CYP11B2: variants seen among roughly 807,000 people sequenced by gnomAD.
CYP11B2 encodes cytochrome P450 family 11 subfamily B member 2, also known as cytochrome P450 11B2, mitochondrial.
CYP11B2 carries 38 observed loss-of-function variants against 49.3 expected under a neutral mutation model. The ratio of observed to expected loss-of-function variants is 0.77; its 90% CI spans 0.59 to 1.01. The LOEUF (loss-of-function observed/expected upper bound fraction) is 1.01. Among genes scored for constraint, CYP11B2 ranks in the 50% least tolerant of loss-of-function variants. The pLI, the probability that CYP11B2 is intolerant of heterozygous loss-of-function variation, is 0.00. For missense variants in CYP11B2, 669 were observed against 655.5 expected, an observed-to-expected ratio of 1.02 and a Z score of -0.23; for synonymous variants, 290 against 269.3, an observed-to-expected ratio of 1.08 and a Z score of -0.75.
chr8:142,917,362 A>T (rs959914360), intron 1 of CYP11B2, 148 bp from the exon 2 acceptor site: 2 of 1,416,452 alleles, frequency 1.4e-6, no homozygotes, highest in African/African-American at 2.8e-5. Context: ...GGCTCCCTGG[A>T]ACCTTTCAAC....
chr8:142,917,299 G>A lies in CYP11B2; in HGVS notation c.240-85C>T, dbSNP rs1376033928. The A allele has an allele frequency of 6.0e-6, 9 of 1,499,894 alleles. No homozygotes were observed. In the Admixed American group the frequency reaches 1.5e-4, roughly 25 times the overall value. The allele number at this position is 1,499,894 out of a possible 1,614,324, so 92.9% of individuals were successfully genotyped here. ...GCAGTCCCAATCCAAAGTGTCTCCT[G>A]TCCACCCTCCCTGCTCCTGGATTAG... On this transcript the variant is annotated intron_variant, in intron 1 of 8. Coordinates refer to ENST00000323110, the MANE Select transcript of CYP11B2 (RefSeq NM_000498.3).
chr8:142,913,486 A>T, intron 5 of CYP11B2, 35 bp from the exon 6 acceptor site: 3 of 1,613,926 alleles, frequency 1.9e-6, no homozygotes, highest in Non-Finnish European at 2.5e-6. Flanking sequence ...CAGACCTTGC[A>T]CAGGAGGACT....
In CYP11B2 at chr8:142,911,138, G is replaced by A. The variant is rs1156589386; in HGVS notation, c.*842C>T. On this transcript the variant is annotated 3_prime_UTR_variant, in exon 9 of 9. Coordinates refer to ENST00000323110, the MANE Select transcript of CYP11B2 (RefSeq NM_000498.3). ...GTCAATAAAACTCATCTGAGTCCTT[G>A]TTGGCCCAATCCTGTCTCTCCTGTT... The A allele has an allele frequency of 1.3e-5, 2 of 152,188 alleles. No individual in the cohort carries two copies. Among genetic ancestry groups the A allele is most frequent in the East Asian group, 3.9e-4 (2 of 5,182 alleles). 9.4% of individuals were successfully genotyped at this position (152,188 alleles called of 1,614,324 possible).
intron 2 of CYP11B2, among the ~76,000 whole-genome samples, chr8:142,915,549 G>A (rs1206764648): frequency 2.3e-5 from 3 of 132,816 alleles, no homozygotes; most frequent in Non-Finnish European, 5.4e-5. Flanking sequence ...CACCCATGCG[G>A]GCCCTCCCTG....
rs28366703 is a variant in CYP11B2, at chr8:142,915,436, A to G, written c.396-191T>C. On this transcript the variant is annotated intron_variant, in intron 2 of 8. Transcript: ENST00000323110. ...GGCCTCCAGGTGCTGGGCAAAGGCCACTCAGGTCTAAGCAGGGATGAGATG... is the reference window on the plus strand; with the variant it reads ...GGCCTCCAGGTGCTGGGCAAAGGCCGCTCAGGTCTAAGCAGGGATGAGATG... Among the ~76,000 whole-genome samples, 75,624 of 150,584 alleles carry G rather than the reference A, an allele frequency of 0.5. 19,394 individuals are homozygous for G. Among genetic ancestry groups the G allele is most frequent in the African/African-American group, 0.59 (24,511 of 41,198 alleles).
At chr8:142,916,756 G>C (rs528521406) in intron 2 of CYP11B2, among the ~76,000 whole-genome samples, 2 of 152,136 alleles carry the variant, frequency 1.3e-5, no homozygotes, top group African/African-American at 4.8e-5. Flanking sequence ...TCCCCAGACC[G>C]CAAGAGAAAG....
chr8:142,912,147 G>A (rs1402243208), intron 8 of CYP11B2, 54 bp from the exon 9 acceptor site: 1 of 1,612,420 alleles, frequency 6.2e-7, no homozygotes, highest in South Asian at 1.1e-5. Context: ...ATGGACCTGG[G>A]GCAGCTTCCT....
Position 142,912,652 on chromosome 8 carries a change from G to T in CYP11B2, c.1276C>A (p.Gln426Lys). 1 of 1,614,192 alleles carries T rather than the reference G, an allele frequency of 6.2e-7. No individual in the cohort carries two copies. The highest frequency in any genetic ancestry group is 1.6e-4 in the Middle Eastern group (1 of 6,062). Residue 426 changes from glutamine to lysine, a missense_variant, in exon 8 of 9, where the codon CAG becomes AAG. Transcript: ENST00000323110. ...GAGCCCCTGATGTCTAGCCAGCGCT[G>T]GGGATTATACCGCTCAGGCCTCGGG... is the stretch of plus-strand genomic sequence containing the variant. ...LFPRPERYNP[Q>K]RWLDIRGSGR... is the part of the protein sequence containing the mutation.
intron 5 of CYP11B2, 71 bp from the exon 6 acceptor site, chr8:142,913,522 A>G: frequency 6.3e-7 from 1 of 1,591,298 alleles, no homozygotes; most frequent in Non-Finnish European, 8.6e-7. Context: ...CCCTCCCAGG[A>G]CAACCTCCCT....
rs1395312027 is a variant in CYP11B2 at position 142,917,788 on chromosome 8, A to G, written c.53T>C (p.Leu18Pro). The change falls in exon 1 of 9, where the codon CTG becomes CCG. Residue 18 changes from leucine to proline, a missense_variant. Transcript: ENST00000323110. ...EVCVAAPWLS[L>P]QRARALGTRA... ...AGTGCCCAGTGCCCGTGCCCTTTGC[A>G]GGGACAGCCAGGGCGCTGCCACGCA... is the stretch of plus-strand genomic sequence containing the variant. 4 of 1,614,174 alleles carry G rather than the reference A, an allele frequency of 2.5e-6. No individual in the cohort carries two copies. In the Admixed American group the frequency reaches 6.7e-5, roughly 27 times the overall value.
intron 1 of CYP11B2, 28 bp from the exon 2 acceptor site, chr8:142,917,242 G>A (rs1168953634): frequency 7.4e-6 from 12 of 1,612,044 alleles, no homozygotes; most frequent in Non-Finnish European, 1.0e-5. Flanking sequence ...AGGCCCTGCT[G>A]GACGGGGTCA....
chr8:142,917,087 G>A lies in CYP11B2; in HGVS notation c.367C>T (p.Arg123Cys), dbSNP rs745436748. ...AAGAACACGCCACATTTGTGCCCAC[G>A]ATGTTGTCTGTAGGCCACCCAGGGC... ...LEPWVAYRQH[R>C]GHKCGVFLLN... is the part of the protein sequence containing the mutation. Residue 123 changes from arginine (R) to cysteine (C), a missense_variant, in exon 2 of 9, where the codon CGT becomes TGT. Arg to Cys is a radical substitution (Grantham distance 180). Coordinates refer to ENST00000323110, the MANE Select transcript of CYP11B2 (RefSeq NM_000498.3). 8.1e-6 allele frequency: 13 copies of A among 1,614,070 alleles called. No individual in the cohort carries two copies. The East Asian group carries it at 8.9e-5, about 11-fold the overall frequency.
intron 5 of CYP11B2, 44 bp downstream of exon 5, chr8:142,914,220 G>A (rs765580190): frequency 3.3e-5 from 53 of 1,612,058 alleles, no homozygotes; most frequent in Admixed American, 5.0e-5. Flanking sequence ...TGGGAGGCAG[G>A]CTTGGCATCA....
Position 142,912,495 on chromosome 8 carries a change from G to A in CYP11B2, c.1398+35C>T, listed in dbSNP as rs546059646. On this transcript the variant is annotated intron_variant, in intron 8 of 8. Transcript: ENST00000323110. ...CCAGTGTGCAGGTCCCGCCTCTGCTGCCCAGGTCCCGCCCCCGCCCCCAGG... is the reference window on the plus strand; with the variant it reads ...CCAGTGTGCAGGTCCCGCCTCTGCTACCCAGGTCCCGCCCCCGCCCCCAGG... 89 of 1,601,900 alleles carry A rather than the reference G, an allele frequency of 5.6e-5. No individual in the cohort carries two copies. The South Asian group carries it at 9.7e-4, about 17-fold the overall frequency.
intron 2 of CYP11B2, chr8:142,916,318 T>A (rs1413134345): frequency 2.3e-6 from 1 of 433,640 alleles, no homozygotes; most frequent in Non-Finnish European, 4.7e-6. Context: ...ACCCCACTAT[T>A]CCCAATAGCG....
rs780112807 is a variant in CYP11B2 at position 142,912,693 on chromosome 8, C to A, written c.1235G>T (p.Arg412Leu). The part of the protein sequence containing the change: ...LVQVFLYSLG[R>L]NAALFPRPER... ...AGGCCTCGGGAACAAGGCGGCATTG[C>A]GACCCAGCGAGTAGAGGAAAACCTG... Residue 412 changes from arginine to leucine, a missense_variant, in exon 8 of 9, where the codon CGC (arginine) becomes CTC (leucine). Transcript: ENST00000323110. The A allele has an allele frequency of 4.3e-6, 7 of 1,613,904 alleles. No individual in the cohort carries two copies. In the Admixed American group the frequency reaches 1.2e-4, roughly 27 times the overall value.
intron 2 of CYP11B2, 68 bp downstream of exon 2, chr8:142,916,991 C>T (rs1817657370): frequency 1.9e-6 from 3 of 1,588,836 alleles, no homozygotes; most frequent in African/African-American, 1.3e-5. Context: ...TCCTACCTCT[C>T]TCGCCTCCCC....
chr8:142,915,427 G>A (rs61757312), intron 2 of CYP11B2, among the ~76,000 whole-genome samples, 182 bp from the exon 3 acceptor site: 16,435 of 151,210 alleles, frequency 0.11, 1,093 homozygotes, highest in African/African-American at 0.19. Flanking sequence ...CAGGTGCTGG[G>A]CAAAGGCCAC....
At position 142,915,082 on chromosome 8, in the gene CYP11B2, C is replaced by CCAGGGT. The variant is rs1817618276; in HGVS notation, c.553_558dup (p.Thr185_Leu186dup). 6.2e-7 allele frequency: 1 copy of CCAGGGT among 1,613,810 alleles called. No homozygotes were observed. The highest frequency in any genetic ancestry group is 1.1e-5 in the South Asian group (1 of 91,034). On this transcript the variant is annotated inframe_insertion, in exon 3 of 9. Transcript: ENST00000323110. ...TAGTGGAAGATGCTGGGCTGGACGT[C>CCAGGGT]CAGGGTCAGGCTCCCCCGGGCGTTC...
Sources: allele counts gnomAD v4.1 joint callset (sites outside exome capture counted in the v4.1 genomes callset), GRCh38; gene constraint gnomAD v4.1.1; transcripts MANE v1.5; gene names NCBI Gene and HGNC (gene_info 2026-07-23, HGNC 2026-07-21).